Variants in GTPBP4 observed in about 807,000 individuals in gnomAD.
GTPBP4 encodes the protein GTP binding protein 4, also known as GTP-binding protein 4.
In GTPBP4, 15 loss-of-function variants were observed where a neutral mutation model predicts 81.7. The ratio of observed to expected loss-of-function variants is 0.18; its 90% CI spans 0.12 to 0.28. The LOEUF (loss-of-function observed/expected upper bound fraction) is 0.28, where lower values mean the gene tolerates loss of function less well. Among genes scored for constraint, GTPBP4 ranks in the 10% least tolerant of loss-of-function variants. GTPBP4 has a pLI of 1.00. For missense variants in GTPBP4, 847 were observed against 793.8 expected (o/e 1.07, Z -0.81); for synonymous variants, 272 against 274.6 (o/e 0.99, Z 0.09).
At chr10:993,917 G>T (rs530041865) in intron 2 of GTPBP4, among the ~76,000 whole-genome samples, 1 of 150,518 alleles carries the variant, frequency 6.6e-6, no homozygotes, top group Non-Finnish European at 1.5e-5. Context: ...CCGCCACCAC[G>T]CCCGGCTAGT....
Position 1,005,916 on chromosome 10 carries a change from T to A in GTPBP4, c.1002+9T>A. On this transcript the variant is annotated intron_variant, in intron 9 of 16. Transcript: ENST00000360803. ...TTAAAGTTAAAACAGAGGTCAGTGC[T>A]GCCTTAAGTCAGGTATTAGTCTTTT... is the stretch of plus-strand genomic sequence containing the variant. 7.0e-7 allele frequency: 1 copy of A among 1,432,360 alleles called. No individual in the cohort carries two copies. Among genetic ancestry groups the A allele is most frequent in the Admixed American group, 1.9e-5 (1 of 51,408 alleles). 88.7% of individuals were successfully genotyped at this position (1,432,360 alleles called of 1,614,324 possible).
intron 10 of GTPBP4, chr10:1,007,921 T>C (rs748330468): frequency 5.8e-6 from 3 of 517,794 alleles, no homozygotes; most frequent in Non-Finnish European, 1.2e-5. Flanking sequence ...TTCTCGCTGA[T>C]TTGTTACTTT....
At chr10:988,823 C>T (rs1417601074) in intron 1 of GTPBP4, 1 of 345,426 alleles carries the variant, frequency 2.9e-6, no homozygotes, top group Admixed American at 4.9e-5. Flanking sequence ...CCTGGAGGGG[C>T]CCCGGGTGAC....
intron 14 of GTPBP4, among the ~76,000 whole-genome samples, chr10:1,013,221 T>G (rs1302660305): frequency 2.0e-5 from 3 of 152,000 alleles, no homozygotes; most frequent in Non-Finnish European, 4.4e-5. Flanking sequence ...TTACCTCAAG[T>G]GATCTGCCTG....
Position 989,961 on chromosome 10 carries a change from T to G in GTPBP4, c.48+1434T>G, listed in dbSNP as rs922034162. Among the ~76,000 whole-genome samples the G allele has an allele frequency of 1.3e-4, 20 of 152,180 alleles. 1 individual carries two copies. The highest frequency in any genetic ancestry group is 1.2e-3 in the Admixed American group (19 of 15,268). ...CATGTTGGCCAGACTGGTCTTGAAC[T>G]CCTAATCTCAAGTGATTCACTTGCC... On this transcript the variant is annotated intron_variant, in intron 1 of 16. Coordinates refer to ENST00000360803, the MANE Select transcript of GTPBP4 (RefSeq NM_012341.3).
intron 8 of GTPBP4, among the ~76,000 whole-genome samples, chr10:1,002,363 T>G (rs1831651108): frequency 6.6e-6 from 1 of 152,240 alleles, no homozygotes; most frequent in Non-Finnish European, 1.5e-5. Flanking sequence ...CTTTTTATTG[T>G]TTTTGACTTA....
chr10:992,271 G>C (rs1331109670), intron 1 of GTPBP4, among the ~76,000 whole-genome samples: 1 of 151,496 alleles, frequency 6.6e-6, no homozygotes, highest in Non-Finnish European at 1.5e-5. Context: ...GTGGTGGCAC[G>C]CGCCTGTAGT....
intron 9 of GTPBP4, 39 bp from the exon 10 acceptor site, chr10:1,006,979 G>A (rs1485640410): frequency 8.1e-7 from 1 of 1,231,178 alleles, no homozygotes; most frequent in African/African-American, 1.5e-5. Flanking sequence ...GCTGCTGGAG[G>A]ATGCGTTTGT....
intron 10 of GTPBP4, chr10:1,008,403 CAAA>C (rs143289549): frequency 3.6e-6 from 1 of 279,484 alleles, no homozygotes; most frequent in South Asian, 3.2e-5. Context: ...GAGACTCTGT[CAAA>C]AAAAAAAAAT....
intron 13 of GTPBP4, among the ~76,000 whole-genome samples, chr10:1,011,110 ACCCCGAGACTCTGGTGGAGATGCTGGGCC>A (rs1831860126): frequency 2.0e-5 from 1 of 49,970 alleles, no homozygotes; most frequent in African/African-American, 8.6e-5. Flanking sequence ...TCTTCCCCCC[ACCCCGAGACTCTGGTGGAGATGCTGGGCC>A]CCTTCATTCT....
intron 12 of GTPBP4, among the ~76,000 whole-genome samples, chr10:1,010,088 C>T (rs907714386): frequency 2.7e-5 from 4 of 149,408 alleles, no homozygotes; most frequent in Admixed American, 6.7e-5. Context: ...GCTTTCTCCA[C>T]GTGTGGGTGT....
intron 6 of GTPBP4, among the ~76,000 whole-genome samples, chr10:1,000,336 C>T (rs1831604042): frequency 1.4e-5 from 2 of 144,166 alleles, no homozygotes; most frequent in South Asian, 4.7e-4. Flanking sequence ...CTCCCTGGTT[C>T]ACGCCATTCT....
chr10:1,017,187 T>A lies in GTPBP4; in HGVS notation c.1865T>A (p.Leu622Gln). 6.2e-7 allele frequency: 1 copy of A among 1,614,180 alleles called. No individual in the cohort carries two copies. The highest frequency in any genetic ancestry group is 8.5e-7 in the Non-Finnish European group (1 of 1,179,984). The change falls in exon 17 of 17, where the codon CTG becomes CAG. Residue 622 changes from leucine (L) to glutamine (Q), a missense_variant. Coordinates refer to ENST00000360803, the MANE Select transcript of GTPBP4 (RefSeq NM_012341.3). ...TTTGATATGAAGCCCAAGCACTTGC[T>A]GTCTGGGAAGAGGAAAGCTGGTAAA... is the stretch of plus-strand genomic sequence containing the variant. ...HVFDMKPKHL[L>Q]SGKRKAGKKD...
At chr10:989,693 A>G (rs188238429) in intron 1 of GTPBP4, among the ~76,000 whole-genome samples, 1 of 151,890 alleles carries the variant, frequency 6.6e-6, no homozygotes, top group East Asian at 1.9e-4. Context: ...ACCATTTCTT[A>G]TTTCTTCCTG....
intron 13 of GTPBP4, among the ~76,000 whole-genome samples, chr10:1,010,761 A>G (rs1484909662): frequency 3.0e-5 from 3 of 101,208 alleles, no homozygotes; most frequent in African/African-American, 1.2e-4. Flanking sequence ...CACCCCGGAC[A>G]CTCTGGTGGA....
At chr10:993,042 GT>G (rs78073989) in intron 2 of GTPBP4, among the ~76,000 whole-genome samples, 8 of 149,854 alleles carry the variant, frequency 5.3e-5, no homozygotes, top group African/African-American at 7.4e-5. Context: ...CTTTCCAAGG[GT>G]TTTTTTTTTC....
In GTPBP4 at chr10:1,005,671, CTG is replaced by C. The variant is rs931313494; in HGVS notation, c.913-145_913-144del. 9.2e-5 allele frequency: 54 copies of C among 589,028 alleles called. No individual in the cohort carries two copies. In the African/African-American group the frequency reaches 9.5e-4, roughly 10 times the overall value. 36.5% of individuals were successfully genotyped at this position (589,028 alleles called of 1,614,324 possible). On this transcript the variant is annotated intron_variant, in intron 8 of 16. Coordinates refer to ENST00000360803, the MANE Select transcript of GTPBP4 (RefSeq NM_012341.3). ...TCATAGAAGAATATGAAGAAAATAA[CTG>C]TTTTTAGGATATGTCTGTTTTTTAA... is the stretch of plus-strand genomic sequence containing the variant.
rs527537227 is a variant in GTPBP4 at position 1,019,550 on chromosome 10, C to T, written c.*2323C>T. The T allele has an allele frequency of 3.7e-5, 59 of 1,613,614 alleles. No homozygotes were observed. Among genetic ancestry groups the T allele is most frequent in the Middle Eastern group, 1.7e-4 (1 of 6,060 alleles). On this transcript the variant is annotated 3_prime_UTR_variant, in exon 17 of 17. Transcript: ENST00000360803. ...TGTGTATTTTGTGAAGCTCCACAAACGGGGTCACGTCATCCAGGTGAGGCC... is the reference window on the plus strand; with the variant it reads ...TGTGTATTTTGTGAAGCTCCACAAATGGGGTCACGTCATCCAGGTGAGGCC...
intron 1 of GTPBP4, among the ~76,000 whole-genome samples, chr10:992,269 A>C (rs1407910217): frequency 1.3e-5 from 2 of 151,566 alleles, no homozygotes; most frequent in Non-Finnish European, 2.9e-5. Context: ...GTGTGGTGGC[A>C]CGCGCCTGTA....
Sources: gnomAD v4.1 joint callset for allele counts (sites outside exome capture counted in the v4.1 genomes callset) on GRCh38, gnomAD v4.1.1 for gene constraint, MANE v1.5 for transcripts, NCBI Gene and HGNC (gene_info 2026-07-23, HGNC 2026-07-21) for gene names.